The following OSBPL6 variants were observed in gnomAD, a reference collection of about 807,000 sequenced individuals.
OSBPL6 encodes the protein oxysterol binding protein like 6.
In OSBPL6, 49 loss-of-function variants were observed where a neutral mutation model predicts 125.8. That is an observed-to-expected ratio of 0.39 (90% CI 0.31 to 0.49). OSBPL6 has a LOEUF of 0.49. Among genes scored for constraint, OSBPL6 ranks in the 20% least tolerant of loss-of-function variants. OSBPL6 has a pLI of 0.88. For synonymous variants in OSBPL6, 394 were observed against 391.8 expected (o/e 1.01, Z -0.07); for missense variants, 986 against 1,135.4 (o/e 0.87, Z 1.89).
At chr2:178,360,025 T>G (rs1376859341) in intron 12 of OSBPL6, among the ~76,000 whole-genome samples, 1 of 152,014 alleles carries the variant, frequency 6.6e-6, no homozygotes, top group African/African-American at 2.4e-5. Context: ...AGGCGGAAGT[T>G]GTAATGAGTG....
chr2:178,277,057 CA>C (rs1016698557), intron 1 of OSBPL6, among the ~76,000 whole-genome samples: 1 of 152,182 alleles, frequency 6.6e-6, no homozygotes, highest in Non-Finnish European at 1.5e-5. Context: ...AGGGATTGCA[CA>C]AAATCTAAAA....
At chr2:178,342,796 C>T (rs1248692264) in intron 11 of OSBPL6, among the ~76,000 whole-genome samples, 5 of 152,108 alleles carry the variant, frequency 3.3e-5, no homozygotes, top group Non-Finnish European at 7.4e-5. Context: ...GAATTAAATA[C>T]TAGATCCCTG....
At chr2:178,313,243 G>A (rs370891379) in intron 3 of OSBPL6, among the ~76,000 whole-genome samples, 3 of 152,210 alleles carry the variant, frequency 2.0e-5, no homozygotes, top group African/African-American at 7.2e-5. Flanking sequence ...TGTTTCTGAG[G>A]CATTTTCAGT....
At chr2:178,344,315 C>T (rs1401962435) in intron 11 of OSBPL6, 2 of 1,614,030 alleles carry the variant, frequency 1.2e-6, no homozygotes, top group Non-Finnish European at 1.7e-6. Flanking sequence ...GCCAGTTCAG[C>T]ACAACTCGGC....
At chr2:178,378,104 C>G (rs1208385728) in intron 15 of OSBPL6, among the ~76,000 whole-genome samples, 1 of 152,206 alleles carries the variant, frequency 6.6e-6, no homozygotes, top group Admixed American at 6.5e-5. Context: ...GCTGGGACTA[C>G]AGGCATGAGC....
chr2:178,300,108 T>C (rs1169718537), intron 2 of OSBPL6, among the ~76,000 whole-genome samples: 1 of 152,216 alleles, frequency 6.6e-6, no homozygotes, highest in African/African-American at 2.4e-5. Flanking sequence ...AAGCTATATA[T>C]CTCAAATTGA....
At chr2:178,383,349 A>G in intron 17 of OSBPL6, 72 bp downstream of exon 17, 1 of 1,517,756 alleles carries the variant, frequency 6.6e-7, no homozygotes, top group Non-Finnish European at 8.8e-7. Flanking sequence ...GCCAGAATTC[A>G]TTATGATATA....
intron 1 of OSBPL6, among the ~76,000 whole-genome samples, chr2:178,212,153 A>G (rs572452855): frequency 6.6e-6 from 1 of 152,254 alleles, no homozygotes; most frequent in African/African-American, 2.4e-5. Flanking sequence ...CCGCCTTACA[A>G]ATTGCCCTCT....
intron 19 of OSBPL6, among the ~76,000 whole-genome samples, chr2:178,386,414 A>G (rs1389661144): frequency 1.3e-5 from 2 of 152,196 alleles, no homozygotes; most frequent in East Asian, 1.9e-4. Context: ...CTTAACAACC[A>G]GTATAAAAAC....
chr2:178,392,858 C>T (rs1027858731), intron 23 of OSBPL6, among the ~76,000 whole-genome samples: 1 of 63,148 alleles, frequency 1.6e-5, no homozygotes, highest in Non-Finnish European at 3.4e-5. Flanking sequence ...GAGACCCTGG[C>T]AAAAAAAAAA....
chr2:178,278,760 G>A (rs2092520205), intron 1 of OSBPL6, among the ~76,000 whole-genome samples: 1 of 152,028 alleles, frequency 6.6e-6, no homozygotes, highest in Non-Finnish European at 1.5e-5. Context: ...AACTTTCATA[G>A]GTAGGAAAAG....
At chr2:178,351,757 C>T (rs1035757657) in intron 12 of OSBPL6, among the ~76,000 whole-genome samples, 2 of 152,252 alleles carry the variant, frequency 1.3e-5, no homozygotes, top group East Asian at 1.9e-4. Flanking sequence ...CCAAATACCA[C>T]GTGTTCTCAC....
At chr2:178,207,715 G>A (rs2089614078) in intron 1 of OSBPL6, among the ~76,000 whole-genome samples, 1 of 152,112 alleles carries the variant, frequency 6.6e-6, no homozygotes, top group Admixed American at 6.5e-5. Flanking sequence ...AGTTAGAGCT[G>A]CTGTGTTTGT....
intron 3 of OSBPL6, among the ~76,000 whole-genome samples, chr2:178,308,063 G>A (rs780017182): frequency 6.6e-6 from 1 of 152,152 alleles, no homozygotes; most frequent in Admixed American, 6.5e-5. Flanking sequence ...AGTAAGAGAC[G>A]CTTTTCAAAG....
At position 178,396,181 on chromosome 2, in the gene OSBPL6, A is replaced by C. The variant is rs1308654018; in HGVS notation, c.*622A>C. ...GCTCATAGGTTTATGTGAAGAACAG[A>C]TTTTTTGAATCATGGCATGATTCAC... On this transcript the variant is annotated 3_prime_UTR_variant, in exon 25 of 25. Transcript: ENST00000190611. 1 of 160,544 alleles carries C rather than the reference A, an allele frequency of 6.2e-6. No homozygotes were observed. Among genetic ancestry groups the C allele is most frequent in the Non-Finnish European group, 1.4e-5 (1 of 72,210 alleles). 9.9% of individuals were successfully genotyped at this position (160,544 alleles called of 1,614,324 possible). A position where few individuals can be genotyped will look rare whatever the true frequency, so the allele number is the denominator to read the frequency against.
chr2:178,223,581 G>C lies in OSBPL6; in HGVS notation c.-351+28907G>C, dbSNP rs149084617. 4.1e-3 allele frequency among the ~76,000 whole-genome samples: 617 copies of C among 152,286 alleles called. 5 individuals are homozygous for C. The highest frequency in any genetic ancestry group is 0.014 in the African/African-American group (573 of 41,558). Reference sequence around the variant, plus strand: ...AAGGATATGGAGTGACGTTTCCCAGGCCCTTCAGTTTATTCTTTGCCTTGG... The same window carrying C: ...AAGGATATGGAGTGACGTTTCCCAGCCCCTTCAGTTTATTCTTTGCCTTGG... On this transcript the variant is annotated intron_variant, in intron 1 of 24. Coordinates refer to ENST00000190611, the MANE Select transcript of OSBPL6 (RefSeq NM_032523.4).
At chr2:178,369,958 C>T (rs553915477) in intron 13 of OSBPL6, among the ~76,000 whole-genome samples, 1 of 152,146 alleles carries the variant, frequency 6.6e-6, no homozygotes. Context: ...TTGTATGAAA[C>T]CCTCAGGTCA....
rs150936357 is a variant in OSBPL6 at position 178,396,992 on chromosome 2, TGTTA to T, written c.*1439_*1442del. On this transcript the variant is annotated 3_prime_UTR_variant, in exon 25 of 25. Transcript: ENST00000190611. ...AATTATAAAATTACATATATTTTATTGTTAGTTAGATGTTTATTCTTGGATTCTT... is the reference window on the plus strand; with the variant it reads ...AATTATAAAATTACATATATTTTATTGTTAGATGTTTATTCTTGGATTCTT... The T allele has an allele frequency of 7.9e-5, 12 of 152,342 alleles. No homozygotes were observed. Among genetic ancestry groups the T allele is most frequent in the East Asian group, 7.7e-4 (4 of 5,188 alleles). 9.4% of individuals were successfully genotyped at this position (152,342 alleles called of 1,614,324 possible).
intron 4 of OSBPL6, among the ~76,000 whole-genome samples, chr2:178,326,297 GA>G (rs1020005172): frequency 2.6e-5 from 4 of 151,920 alleles, no homozygotes; most frequent in Non-Finnish European, 5.9e-5. Context: ...TTTTCCAAAT[GA>G]AAAAACTTGG....
Sources: allele counts gnomAD v4.1 joint callset (sites outside exome capture counted in the v4.1 genomes callset), GRCh38; gene constraint gnomAD v4.1.1; transcripts MANE v1.5; gene names NCBI Gene and HGNC (gene_info 2026-07-23, HGNC 2026-07-21).